CREB5: variants seen among roughly 807,000 people sequenced by gnomAD.
CREB5 encodes the protein cyclic AMP-responsive element-binding protein 5.
A neutral mutation model predicts 57.1 loss-of-function variants in CREB5; 19 were observed. The ratio of observed to expected loss-of-function variants is 0.33; its 90% CI spans 0.23 to 0.49. The LOEUF is 0.49. CREB5 is among the 20% of genes least tolerant of loss of function. CREB5 has a pLI of 0.99. For synonymous variants in CREB5, 238 were observed against 238.3 expected, an observed-to-expected ratio of 1.00 and a Z score of 0.01; for missense variants, 579 against 671.6, an observed-to-expected ratio of 0.86 and a Z score of 1.52.
intron 7 of CREB5, among the ~76,000 whole-genome samples, chr7:28,730,751 G>T (rs568254174): frequency 6.6e-6 from 1 of 152,192 alleles, no homozygotes; most frequent in Non-Finnish European, 1.5e-5. Context: ...AACAGGGAAA[G>T]TTACTATGCT....
chr7:28,370,958 A>C (rs896693546), intron 1 of CREB5, among the ~76,000 whole-genome samples: 3 of 152,236 alleles, frequency 2.0e-5, no homozygotes, highest in African/African-American at 7.2e-5. Flanking sequence ...CCACCACTGC[A>C]AGGTAACTTT....
intron 1 of CREB5, among the ~76,000 whole-genome samples, chr7:28,299,853 A>G (rs769959875): frequency 1.8e-4 from 28 of 152,224 alleles, no homozygotes; most frequent in Non-Finnish European, 2.6e-4. Context: ...CACATTGGAT[A>G]ATGTGTTTGA....
intron 5 of CREB5, among the ~76,000 whole-genome samples, chr7:28,696,343 A>C (rs1801559277): frequency 6.6e-6 from 1 of 152,214 alleles, no homozygotes; most frequent in African/African-American, 2.4e-5. Flanking sequence ...CCTTCCTGCC[A>C]TTTGTAAAGC....
intron 3 of CREB5, among the ~76,000 whole-genome samples, chr7:28,507,209 G>A (rs1004975214): frequency 4.7e-5 from 7 of 150,518 alleles, no homozygotes; most frequent in African/African-American, 1.7e-4. Flanking sequence ...CCTGAAGTCA[G>A]GCTTAACATT....
At chr7:28,560,847 C>CGCGTGT (rs1470107108) in intron 4 of CREB5, among the ~76,000 whole-genome samples, 1 of 42,240 alleles carries the variant, frequency 2.4e-5, no homozygotes, top group Non-Finnish European at 5.3e-5. Flanking sequence ...TGTGTGTGCG[C>CGCGTGT]GTGTGTGTGT....
At chr7:28,527,786 C>T (rs1245513290) in intron 4 of CREB5, among the ~76,000 whole-genome samples, 1 of 152,156 alleles carries the variant, frequency 6.6e-6, no homozygotes, top group Non-Finnish European at 1.5e-5. Context: ...TCATTGCACT[C>T]CAGCCTGCGT....
chr7:28,557,274 AC>A, intron 4 of CREB5, among the ~76,000 whole-genome samples: 1 of 152,234 alleles, frequency 6.6e-6, no homozygotes, highest in Non-Finnish European at 1.5e-5. Flanking sequence ...ATACTGAGAA[AC>A]AGTGGAATCT....
chr7:28,587,618 A>G (rs1796351624), intron 5 of CREB5, among the ~76,000 whole-genome samples: 1 of 152,238 alleles, frequency 6.6e-6, no homozygotes, highest in Non-Finnish European at 1.5e-5. Flanking sequence ...TAAGCAATGA[A>G]TAAGAGGCTT....
At chr7:28,541,541 C>A (rs1245792569) in intron 4 of CREB5, among the ~76,000 whole-genome samples, 2 of 152,106 alleles carry the variant, frequency 1.3e-5, no homozygotes, top group Non-Finnish European at 2.9e-5. Flanking sequence ...GTGGCCGATA[C>A]CTGTAATCCC....
chr7:28,560,979 T>TGCGCGC (rs1329236450), intron 4 of CREB5, among the ~76,000 whole-genome samples: 3 of 59,816 alleles, frequency 5.0e-5, no homozygotes, highest in Admixed American at 3.4e-4. Flanking sequence ...TGTGCGTGTG[T>TGCGCGC]GCGTGCGTGT....
At chr7:28,496,377 T>A (rs1245547112) in intron 3 of CREB5, among the ~76,000 whole-genome samples, 1 of 152,232 alleles carries the variant, frequency 6.6e-6, no homozygotes, top group Non-Finnish European at 1.5e-5. Context: ...TACAATATTT[T>A]AAATTCTTTT....
intron 4 of CREB5, 100 bp from the exon 5 acceptor site, chr7:28,570,265 G>T: frequency 1.5e-6 from 2 of 1,301,882 alleles, no homozygotes; most frequent in Admixed American, 2.1e-5. Flanking sequence ...TCTCTATGTA[G>T]TTGACATGAC....
intron 1 of CREB5, among the ~76,000 whole-genome samples, chr7:28,377,760 T>C (rs780238909): frequency 1.3e-5 from 2 of 151,350 alleles, no homozygotes; most frequent in Non-Finnish European, 2.9e-5. Flanking sequence ...AACCCCCGTC[T>C]CTACTAAAAA....
At chr7:28,551,750 G>T (rs1794651725) in intron 4 of CREB5, among the ~76,000 whole-genome samples, 1 of 152,084 alleles carries the variant, frequency 6.6e-6, no homozygotes. Flanking sequence ...TCTCACACCT[G>T]CCATGCCACA....
intron 1 of CREB5, among the ~76,000 whole-genome samples, chr7:28,461,023 C>T (rs1235120231): frequency 6.6e-6 from 1 of 151,480 alleles, no homozygotes; most frequent in Non-Finnish European, 1.5e-5. Context: ...ACTCGCATCC[C>T]CTCTACCAAC....
intron 5 of CREB5, among the ~76,000 whole-genome samples, chr7:28,678,852 A>C (rs1220330582): frequency 1.3e-5 from 2 of 152,186 alleles, no homozygotes. Flanking sequence ...CTCCTTGCAG[A>C]AACCCTCTTA....
chr7:28,580,558 GGTGTGT>G (rs371277784), intron 5 of CREB5, among the ~76,000 whole-genome samples: 21 of 124,968 alleles, frequency 1.7e-4, no homozygotes, highest in South Asian at 6.1e-4. Flanking sequence ...TTGGCAAATT[GGTGTGT>G]GTGTGTGTGT....
chr7:28,385,397 C>T (rs1787067998), intron 1 of CREB5, among the ~76,000 whole-genome samples: 1 of 152,100 alleles, frequency 6.6e-6, no homozygotes, highest in African/African-American at 2.4e-5. Context: ...GTATATGAGG[C>T]CAGGCGTGGT....
chr7:28,689,785 G>A (rs757714676), intron 5 of CREB5, among the ~76,000 whole-genome samples: 3 of 152,116 alleles, frequency 2.0e-5, no homozygotes, highest in Admixed American at 6.5e-5. Flanking sequence ...TGCTCCTTGC[G>A]AGCAACTGAA....
Sources: allele counts gnomAD v4.1 joint callset (sites outside exome capture counted in the v4.1 genomes callset), GRCh38; gene constraint gnomAD v4.1.1; transcripts MANE v1.5; gene names NCBI Gene and HGNC (gene_info 2026-07-23, HGNC 2026-07-21).